The following PPM1E variants were observed in gnomAD, a reference collection of about 807,000 sequenced individuals.
PPM1E encodes protein phosphatase, Mg2+/Mn2+ dependent 1E.
PPM1E carries 20 observed loss-of-function variants against 65.9 expected under a neutral mutation model. The observed-to-expected ratio is 0.30, with a 90% CI of 0.21 to 0.44. The LOEUF is 0.44. Among genes scored for constraint, PPM1E ranks in the 20% least tolerant of loss-of-function variants. The pLI, the probability that PPM1E is intolerant of heterozygous loss-of-function variation, is 1.00. For synonymous variants in PPM1E, 352 were observed against 374.9 expected (o/e 0.94, Z 0.70); for missense variants, 713 against 953.1 (o/e 0.75, Z 3.32).
intron 2 of PPM1E, among the ~76,000 whole-genome samples, chr17:58,961,363 T>C (rs1033621892): frequency 1.3e-5 from 2 of 152,256 alleles, no homozygotes; most frequent in African/African-American, 4.8e-5. Flanking sequence ...TAAGACAGTC[T>C]GTATCTGCAG....
Position 58,901,164 on chromosome 17 carries a change from A to C in PPM1E, c.465-54485A>C, listed in dbSNP as rs1160250866. Among the ~76,000 whole-genome samples the C allele has an allele frequency of 2.0e-5, 3 of 152,150 alleles. No individual in the cohort carries two copies. In the East Asian group the frequency reaches 5.8e-4, roughly 29 times the overall value. On this transcript the variant is annotated intron_variant, in intron 1 of 6. Coordinates refer to ENST00000308249, the MANE Select transcript of PPM1E (RefSeq NM_014906.5). The stretch of plus-strand genomic sequence containing the variant: ...GCGGTATGCTTATCTAATCTCTTCA[A>C]TTCTTGGTTCTTTTTCAAAGTTTGA...
intron 1 of PPM1E, among the ~76,000 whole-genome samples, chr17:58,820,555 T>C (rs745638480): frequency 1.3e-4 from 20 of 152,178 alleles, no homozygotes; most frequent in Non-Finnish European, 2.8e-4. Context: ...GTGGTTGAAG[T>C]CCTAAAGGAG....
intron 1 of PPM1E, among the ~76,000 whole-genome samples, chr17:58,890,869 C>T (rs1024461226): frequency 6.6e-6 from 1 of 152,112 alleles, no homozygotes; most frequent in Non-Finnish European, 1.5e-5. Flanking sequence ...TACCAGGATT[C>T]TTTAAACTGT....
intron 1 of PPM1E, among the ~76,000 whole-genome samples, chr17:58,775,920 CAAAAAAAAAAAA>C (rs1158158641): frequency 1.9e-5 from 1 of 52,496 alleles, no homozygotes; most frequent in African/African-American, 9.5e-5. Flanking sequence ...GACTCCGTCT[CAAAAAAAAAAAA>C]AAAAAAAAAA....
chr17:58,853,267 T>C (rs1468307885), intron 1 of PPM1E, among the ~76,000 whole-genome samples: 1 of 152,150 alleles, frequency 6.6e-6, no homozygotes, highest in African/African-American at 2.4e-5. Flanking sequence ...ATGGAGCCAT[T>C]TGGGGTTAAT....
At chr17:58,796,864 G>A (rs1487573516) in intron 1 of PPM1E, among the ~76,000 whole-genome samples, 1 of 152,168 alleles carries the variant, frequency 6.6e-6, no homozygotes, top group South Asian at 2.1e-4. Context: ...CTAGCACTTT[G>A]GGAGGCTGAG....
intron 1 of PPM1E, among the ~76,000 whole-genome samples, chr17:58,850,245 G>A (rs1269810412): frequency 6.6e-6 from 1 of 152,116 alleles, no homozygotes; most frequent in East Asian, 1.9e-4. Flanking sequence ...GGCAGTCTGT[G>A]TCTTTTAATT....
Position 58,755,964 on chromosome 17 carries a change from C to T in PPM1E, c.-34C>T, listed in dbSNP as rs372738453. 8 of 1,613,314 alleles carry T rather than the reference C, an allele frequency of 5.0e-6. No homozygotes were observed. In the African/African-American group the frequency reaches 8.0e-5, roughly 16 times the overall value. On this transcript the variant is annotated 5_prime_UTR_variant, in exon 1 of 7. Coordinates refer to ENST00000308249, the MANE Select transcript of PPM1E (RefSeq NM_014906.5). ...TTACCCTTCCTGGGCTTCCCCCAAC[C>T]CCTTTCCCGGTCTGCCCTGGGGCAT...
chr17:58,791,990 T>C (rs1321221223), intron 1 of PPM1E, among the ~76,000 whole-genome samples: 1 of 152,140 alleles, frequency 6.6e-6, no homozygotes, highest in East Asian at 1.9e-4. Flanking sequence ...TCCTTGCCCA[T>C]TTCTTCCCTA....
chr17:58,944,447 C>A (rs1333381831), intron 1 of PPM1E, among the ~76,000 whole-genome samples: 2 of 151,988 alleles, frequency 1.3e-5, no homozygotes, highest in African/African-American at 2.4e-5. Context: ...ATTTTCATCA[C>A]CCCAGAAAGA....
intron 1 of PPM1E, among the ~76,000 whole-genome samples, chr17:58,839,193 G>A (rs1488691457): frequency 1.3e-5 from 2 of 152,096 alleles, no homozygotes; most frequent in African/African-American, 4.8e-5. Flanking sequence ...TTCACAGGTA[G>A]GCATGGTGGC....
intron 1 of PPM1E, among the ~76,000 whole-genome samples, chr17:58,825,760 T>C (rs1435589356): frequency 6.6e-6 from 1 of 151,690 alleles, no homozygotes; most frequent in Non-Finnish European, 1.5e-5. Flanking sequence ...AGTAGAGACT[T>C]GGTTTCACCA....
At chr17:58,897,358 G>A (rs1288682859) in intron 1 of PPM1E, among the ~76,000 whole-genome samples, 1 of 151,614 alleles carries the variant, frequency 6.6e-6, no homozygotes, top group Non-Finnish European at 1.5e-5. Context: ...AGCTTGCAAT[G>A]AGCCGAGATT....
chr17:58,779,698 T>C lies in PPM1E; in HGVS notation c.464+23237T>C, dbSNP rs181643936. Among the ~76,000 whole-genome samples the C allele has an allele frequency of 4.3e-4, 66 of 152,328 alleles. 1 individual carries two copies. The highest frequency in any genetic ancestry group is 1.0e-3 in the Admixed American group (16 of 15,294). On this transcript the variant is annotated intron_variant, in intron 1 of 6. Transcript: ENST00000308249. ...TATGTGACTGTATTTACAAAAGTAA[T>C]TAAGGCTGACTGTAATAAATTATTC...
intron 1 of PPM1E, among the ~76,000 whole-genome samples, chr17:58,940,841 G>A (rs908186178): frequency 6.6e-6 from 1 of 152,152 alleles, no homozygotes; most frequent in African/African-American, 2.4e-5. Flanking sequence ...CTCCCACGTA[G>A]CTGGGGTTAC....
At chr17:58,844,455 A>G (rs192028359) in intron 1 of PPM1E, among the ~76,000 whole-genome samples, 2 of 152,312 alleles carry the variant, frequency 1.3e-5, no homozygotes, top group South Asian at 2.1e-4. Flanking sequence ...ATTAAAAACT[A>G]TCTAGAATAA....
chr17:58,981,128 T>G lies in PPM1E; in HGVS notation c.*97T>G. 1.2e-6 allele frequency: 1 copy of G among 816,522 alleles called. No homozygotes were observed. The highest frequency in any genetic ancestry group is 2.8e-5 in the Admixed American group (1 of 35,304). The allele number at this position is 816,522 out of a possible 1,614,324, so 50.6% of individuals were successfully genotyped here. On this transcript the variant is annotated 3_prime_UTR_variant, in exon 7 of 7. Coordinates refer to ENST00000308249, the MANE Select transcript of PPM1E (RefSeq NM_014906.5). ...CATTTCTAAAACATATGTGCTTCAT[T>G]ATGAATCCATGGATGGCTCAATTCT... is the stretch of plus-strand genomic sequence containing the variant.
intron 1 of PPM1E, among the ~76,000 whole-genome samples, chr17:58,926,501 G>A (rs2051825429): frequency 6.6e-6 from 1 of 152,034 alleles, no homozygotes; most frequent in Non-Finnish European, 1.5e-5. Context: ...AAATATGTGT[G>A]TGCGTGTGTG....
intron 1 of PPM1E, among the ~76,000 whole-genome samples, chr17:58,784,766 G>A (rs1185251926): frequency 6.6e-6 from 1 of 151,650 alleles, no homozygotes; most frequent in Admixed American, 6.6e-5. Context: ...CTCGTGATCC[G>A]CCTGCCTCAG....
Sources: allele counts gnomAD v4.1 joint callset (sites outside exome capture counted in the v4.1 genomes callset), GRCh38; gene constraint gnomAD v4.1.1; transcripts MANE v1.5; gene names NCBI Gene and HGNC (gene_info 2026-07-23, HGNC 2026-07-21).